The following SLC4A7 variants were observed in gnomAD, a reference collection of about 807,000 sequenced individuals.
SLC4A7 encodes sodium bicarbonate cotransporter 3.
In SLC4A7, 51 loss-of-function variants were observed where a neutral mutation model predicts 137.6. The observed-to-expected ratio is 0.37, with a 90% CI of 0.30 to 0.47. The LOEUF is 0.47. SLC4A7 is among the 20% of genes least tolerant of loss of function. SLC4A7 has a pLI of 1.00. For synonymous variants in SLC4A7, 542 were observed against 518.6 expected, an observed-to-expected ratio of 1.05 and a Z score of -0.61; for missense variants, 1,247 against 1,525.4, an observed-to-expected ratio of 0.82 and a Z score of 3.04.
At chr3:27,474,170 TACA>T (rs1192635299) in intron 1 of SLC4A7, among the ~76,000 whole-genome samples, 4 of 152,128 alleles carry the variant, frequency 2.6e-5, no homozygotes, top group Non-Finnish European at 5.9e-5. Flanking sequence ...TTAAGCTATC[TACA>T]ACAAGAATCA....
intron 1 of SLC4A7, among the ~76,000 whole-genome samples, chr3:27,478,858 AG>A (rs1349744474): frequency 6.7e-5 from 10 of 149,830 alleles, no homozygotes; most frequent in Admixed American, 3.3e-4. Flanking sequence ...AAAGAGAGAG[AG>A]GGGGGCGTGG....
intron 3 of SLC4A7, among the ~76,000 whole-genome samples, chr3:27,448,161 G>A (rs1423708360): frequency 2.1e-5 from 3 of 145,708 alleles, no homozygotes; most frequent in Admixed American, 7.1e-5. Flanking sequence ...GCAGTGAGCC[G>A]AGATCGTACC....
chr3:27,479,006 A>AG (rs201471513), intron 1 of SLC4A7, among the ~76,000 whole-genome samples: 119 of 142,634 alleles, frequency 8.3e-4, no homozygotes, highest in African/African-American at 2.5e-3. Flanking sequence ...ACCCTGTCTC[A>AG]GGAAAAAAAA....
chr3:27,394,627 G>C lies in SLC4A7; in HGVS notation c.3008C>G (p.Ser1003Cys). ...AAACTTGGGTTGTTCCCCTGGAGCAGAACATTCAGATTCAACTTTTAAGCT... is the reference window on the plus strand; with the variant it reads ...AAACTTGGGTTGTTCCCCTGGAGCACAACATTCAGATTCAACTTTTAAGCT... ...VNSLKVESEC[S>C]APGEQPKFLG... Residue 1003 changes from serine to cysteine, a missense_variant, in exon 20 of 26, where the codon TCT (serine) becomes TGT (cysteine). By Grantham distance (112) the Ser-to-Cys change is moderately radical. Coordinates refer to ENST00000454389, the MANE Select transcript of SLC4A7 (RefSeq NM_001321103.2). The C allele has an allele frequency of 6.2e-7, 1 of 1,614,178 alleles. No homozygotes were observed. The highest frequency in any genetic ancestry group is 8.5e-7 in the Non-Finnish European group (1 of 1,180,024).
At chr3:27,462,381 G>C (rs1452090149) in intron 1 of SLC4A7, 1 of 152,172 alleles carries the variant, frequency 6.6e-6, no homozygotes, top group Non-Finnish European at 1.5e-5. Flanking sequence ...GTACTGGGGA[G>C]CTCTGGTCAA....
At chr3:27,433,308 A>G (rs1238454004) in intron 6 of SLC4A7, 2 of 152,426 alleles carry the variant, frequency 1.3e-5, no homozygotes, top group African/African-American at 2.4e-5. Flanking sequence ...TCTCAACCCT[A>G]CTGATGCATT....
intron 11 of SLC4A7, among the ~76,000 whole-genome samples, chr3:27,414,001 C>T (rs754110919): frequency 6.6e-6 from 1 of 152,228 alleles, no homozygotes; most frequent in Middle Eastern, 3.4e-3. Flanking sequence ...CAGTTGAGGC[C>T]AGGCGTGGTG....
Position 27,424,091 on chromosome 3 carries a change from A to G in SLC4A7, c.1212T>C (p.Ile404=). ...TGCTTCCACCACTTCCATTACCTTTAATTTCTCCACTTTTACTATTGTCCA... is the reference window on the plus strand; with the variant it reads ...TGCTTCCACCACTTCCATTACCTTTGATTTCTCCACTTTTACTATTGTCCA... ...GNLDNSKSGE[I]KGNGSGGSRE... Residue 404 remains isoleucine (I), a synonymous_variant, in exon 8 of 26, where the codon ATT becomes ATC. Coordinates refer to ENST00000454389, the MANE Select transcript of SLC4A7 (RefSeq NM_001321103.2). 2 of 1,612,258 alleles carry G rather than the reference A, an allele frequency of 1.2e-6. No homozygotes were observed. The highest frequency in any genetic ancestry group is 1.7e-6 in the Non-Finnish European group (2 of 1,178,890).
At chr3:27,383,772 C>A (rs1343270342) in intron 23 of SLC4A7, among the ~76,000 whole-genome samples, 1 of 152,158 alleles carries the variant, frequency 6.6e-6, no homozygotes, top group East Asian at 1.9e-4. Context: ...TCAAAAATAT[C>A]TCAGAAATTG....
At chr3:27,450,997 A>G (rs2058037782) in intron 2 of SLC4A7, among the ~76,000 whole-genome samples, 1 of 152,084 alleles carries the variant, frequency 6.6e-6, no homozygotes, top group Admixed American at 6.6e-5. Flanking sequence ...ATGACTGTAC[A>G]TTTGAATTAG....
chr3:27,401,527 A>G (rs1393344015), intron 15 of SLC4A7, among the ~76,000 whole-genome samples: 1 of 152,158 alleles, frequency 6.6e-6, no homozygotes, highest in East Asian at 1.9e-4. Context: ...TAGGTTATGA[A>G]CTGTTTGAGG....
At chr3:27,460,179 G>A (rs1050385792) in intron 1 of SLC4A7, among the ~76,000 whole-genome samples, 24 of 151,906 alleles carry the variant, frequency 1.6e-4, no homozygotes, top group African/African-American at 4.6e-4. Flanking sequence ...GATTATAGGC[G>A]TCCACCACTA....
chr3:27,423,864 C>T (rs2055259846), intron 8 of SLC4A7, 173 bp downstream of exon 8: 1 of 539,018 alleles, frequency 1.9e-6, no homozygotes, highest in South Asian at 2.6e-5. Flanking sequence ...TAACTGTAAC[C>T]CTTCTCACAG....
rs757184627 is a variant in SLC4A7, at chr3:27,379,210, T to C, written c.3698+39A>G. 255 of 1,069,282 alleles carry C rather than the reference T, an allele frequency of 2.4e-4. 1 individual carries two copies. The highest frequency in any genetic ancestry group is 3.4e-4 in the Non-Finnish European group (242 of 721,678). 66.2% of individuals were successfully genotyped at this position (1,069,282 alleles called of 1,614,324 possible). A position where few individuals can be genotyped will look rare whatever the true frequency, so the allele number is the denominator to read the frequency against. On this transcript the variant is annotated intron_variant, in intron 25 of 25. Transcript: ENST00000454389. ...TGAAGCTATCATAAGTAAATGAAAATTGGCTACAGTTAGAAAACACACAAA... is the reference window on the plus strand; with the variant it reads ...TGAAGCTATCATAAGTAAATGAAAACTGGCTACAGTTAGAAAACACACAAA...
At chr3:27,389,754 A>G (rs2051339928) in intron 22 of SLC4A7, among the ~76,000 whole-genome samples, 177 bp downstream of exon 22, 1 of 152,202 alleles carries the variant, frequency 6.6e-6, no homozygotes, top group South Asian at 2.1e-4. Flanking sequence ...ACAAAGTAAT[A>G]AAATTGAAGC....
At chr3:27,405,350 T>C (rs1246379304) in intron 13 of SLC4A7, among the ~76,000 whole-genome samples, 2 of 151,940 alleles carry the variant, frequency 1.3e-5, no homozygotes, top group South Asian at 2.1e-4. Context: ...CTAAAAAAAA[T>C]CCAAAATCTG....
At chr3:27,398,678 T>C (rs906382915) in intron 16 of SLC4A7, among the ~76,000 whole-genome samples, 1 of 152,336 alleles carries the variant, frequency 6.6e-6, no homozygotes, top group African/African-American at 2.4e-5. Flanking sequence ...GTATTATTTG[T>C]GAAATGTTTC....
At chr3:27,384,453 C>A (rs1400204679) in intron 23 of SLC4A7, among the ~76,000 whole-genome samples, 1 of 152,096 alleles carries the variant, frequency 6.6e-6, no homozygotes, top group African/African-American at 2.4e-5. Context: ...TAACAAGGAG[C>A]CCCTGATAAC....
At chr3:27,412,029 C>A (rs1000063531) in intron 11 of SLC4A7, among the ~76,000 whole-genome samples, 7 of 152,128 alleles carry the variant, frequency 4.6e-5, no homozygotes, top group Non-Finnish European at 1.5e-5. Flanking sequence ...CATACCATTT[C>A]AAATTCCTAT....
Sources: gnomAD v4.1 joint callset for allele counts (sites outside exome capture counted in the v4.1 genomes callset) on GRCh38, gnomAD v4.1.1 for gene constraint, MANE v1.5 for transcripts, NCBI Gene and HGNC (gene_info 2026-07-23, HGNC 2026-07-21) for gene names.